The following TERF1 variants were observed in gnomAD, a reference collection of about 807,000 sequenced individuals.
TERF1 encodes telomeric repeat binding factor 1.
In TERF1, 20 loss-of-function variants were observed where a neutral mutation model predicts 55.1. That is an observed-to-expected ratio of 0.36 (90% confidence interval 0.26 to 0.53). The LOEUF (loss-of-function observed/expected upper bound fraction) is 0.53. TERF1 is among the 20% of genes least tolerant of loss of function. TERF1 has a pLI of 0.91. For synonymous variants in TERF1, 168 were observed against 181.2 expected (o/e 0.93, Z 0.59); for missense variants, 439 against 535.7 (o/e 0.82, Z 1.78).
At chr8:73,035,005 A>T (rs1809452453) in intron 8 of TERF1, among the ~76,000 whole-genome samples, 1 of 152,212 alleles carries the variant, frequency 6.6e-6, no homozygotes, top group South Asian at 2.1e-4. Context: ...TCATCAAGTT[A>T]CATATGTTAC....
At chr8:73,043,632 G>A (rs1486032975) in intron 9 of TERF1, among the ~76,000 whole-genome samples, 1 of 152,162 alleles carries the variant, frequency 6.6e-6, no homozygotes, top group Admixed American at 6.5e-5. Context: ...TTTGGCAGTG[G>A]CTTGCTGTCC....
At chr8:73,034,829 A>T (rs1476993548) in intron 8 of TERF1, among the ~76,000 whole-genome samples, 1 of 151,874 alleles carries the variant, frequency 6.6e-6, no homozygotes, top group African/African-American at 2.4e-5. Flanking sequence ...GCTGAGACTT[A>T]AAAAGGTAAA....
chr8:73,016,937 G>T (rs992901285), intron 2 of TERF1, among the ~76,000 whole-genome samples: 2 of 152,120 alleles, frequency 1.3e-5, no homozygotes, highest in African/African-American at 4.8e-5. Context: ...CCTCAGAAGG[G>T]ATTCTCTCTG....
chr8:73,037,758 T>TATAGTATAATA (rs1266193906), intron 8 of TERF1, among the ~76,000 whole-genome samples: 1,517 of 75,066 alleles, frequency 0.02, 63 homozygotes, highest in African/African-American at 0.071. Flanking sequence ...ATATATAATA[T>TATAGTATAATA]TATATAGTAT....
rs1303203875 is a variant in TERF1 at position 73,037,606 on chromosome 8, TTTA to T, written c.1040-1505_1040-1503del. Among the ~76,000 whole-genome samples the T allele has an allele frequency of 4.2e-4, 44 of 105,222 alleles. 1 individual carries two copies. The highest frequency in any genetic ancestry group is 1.7e-3 in the African/African-American group (44 of 25,876). 69.0% of individuals were successfully genotyped at this position (105,222 alleles called of 152,430 possible). A position where few individuals can be genotyped will look rare whatever the true frequency, so the allele number is the denominator to read the frequency against. ...TATAATATATATAACATATCATAAA[TTTA>T]TTATATATATTATATATTATATATA... On this transcript the variant is annotated intron_variant, in intron 8 of 9. Transcript: ENST00000276603.
intron 2 of TERF1, among the ~76,000 whole-genome samples, chr8:73,019,466 C>T (rs1341372429): frequency 6.6e-6 from 1 of 152,156 alleles, no homozygotes; most frequent in Non-Finnish European, 1.5e-5. Context: ...AAAATAAGTT[C>T]CAAAACAGAC....
chr8:73,020,591 C>T lies in TERF1; in HGVS notation c.416-93C>T. 3.7e-6 allele frequency: 4 copies of T among 1,080,268 alleles called. No individual in the cohort carries two copies. The East Asian group carries it at 7.7e-5, about 21-fold the overall frequency. 66.9% of individuals were successfully genotyped at this position (1,080,268 alleles called of 1,614,324 possible). A position where few individuals can be genotyped will look rare whatever the true frequency, so the allele number is the denominator to read the frequency against. ...AGAAGAGTACCTAGCACATAGTATACACTCAGTAAATATTTAAAGGAATGC... is the reference window on the plus strand; with the variant it reads ...AGAAGAGTACCTAGCACATAGTATATACTCAGTAAATATTTAAAGGAATGC... On this transcript the variant is annotated intron_variant, in intron 2 of 9. Coordinates refer to ENST00000276603, the MANE Select transcript of TERF1 (RefSeq NM_017489.3).
Position 73,036,003 on chromosome 8 carries a change from AAGAC to A in TERF1, c.1040-3109_1040-3106del, listed in dbSNP as rs1441288775. ...ACTTAGTGACTTAATGAGTTAGAGT[AAGAC>A]AGATTATTATAGCAAACAACATGGC... is the stretch of plus-strand genomic sequence containing the variant. On this transcript the variant is annotated intron_variant, in intron 8 of 9. Coordinates refer to ENST00000276603, the MANE Select transcript of TERF1 (RefSeq NM_017489.3). Among the ~76,000 whole-genome samples the A allele has an allele frequency of 2.6e-5, 4 of 152,344 alleles. No homozygotes were observed. The South Asian group carries it at 8.3e-4, about 32-fold the overall frequency.
intron 9 of TERF1, among the ~76,000 whole-genome samples, chr8:73,044,622 A>G (rs1037247038): frequency 2.0e-5 from 3 of 152,124 alleles, no homozygotes; most frequent in African/African-American, 7.2e-5. Context: ...ATATATTCAT[A>G]TTGTGCTACC....
chr8:73,039,697 A>G (rs1035894253), intron 9 of TERF1, among the ~76,000 whole-genome samples: 14 of 151,578 alleles, frequency 9.2e-5, no homozygotes, highest in African/African-American at 3.2e-4. Context: ...CAGTGTCTGA[A>G]ACCATTATTT....
chr8:73,023,494 C>G (rs984079803), intron 4 of TERF1, among the ~76,000 whole-genome samples: 1 of 152,186 alleles, frequency 6.6e-6, no homozygotes, highest in Non-Finnish European at 1.5e-5. Context: ...AAGGCTTTGT[C>G]TATCTCTAAT....
intron 2 of TERF1, among the ~76,000 whole-genome samples, chr8:73,017,937 C>T (rs1040086171): frequency 2.0e-5 from 3 of 151,968 alleles, no homozygotes; most frequent in South Asian, 2.1e-4. Flanking sequence ...TCTTGATTGG[C>T]GGATCTCGTG....
intron 9 of TERF1, among the ~76,000 whole-genome samples, chr8:73,043,780 T>C (rs1341363628): frequency 6.6e-6 from 1 of 152,204 alleles, no homozygotes; most frequent in Non-Finnish European, 1.5e-5. Context: ...GTGCACCTTA[T>C]TAAAAATACT....
chr8:73,030,814 A>G (rs1421926732), intron 7 of TERF1: 3 of 153,298 alleles, frequency 2.0e-5, no homozygotes, highest in Non-Finnish European at 4.4e-5. Flanking sequence ...GACAGACAAT[A>G]CAACCTGTCC....
chr8:73,043,900 A>G (rs1809931363), intron 9 of TERF1, among the ~76,000 whole-genome samples: 1 of 152,234 alleles, frequency 6.6e-6, no homozygotes, highest in Non-Finnish European at 1.5e-5. Context: ...TTTTGAAAGA[A>G]CAGAAATGCT....
In TERF1 at chr8:73,013,876, T is replaced by A; in HGVS notation, c.320-19T>A. 1 of 1,549,720 alleles carries A rather than the reference T, an allele frequency of 6.5e-7. No homozygotes were observed. Among genetic ancestry groups the A allele is most frequent in the East Asian group, 2.3e-5 (1 of 44,386 alleles). ...GATCAAGTTTGATTTTAATAAAATTTACTTTTTTTCTTTTTTAGCTATTAT... is the reference window on the plus strand; with the variant it reads ...GATCAAGTTTGATTTTAATAAAATTAACTTTTTTTCTTTTTTAGCTATTAT... On this transcript the variant is annotated intron_variant, in intron 1 of 9. Transcript: ENST00000276603.
Position 73,039,135 on chromosome 8 carries a change from A to G in TERF1, c.1059A>G (p.Glu353=), listed in dbSNP as rs143764833. ...GTPQSTKKKK[E]SRRATESRIP... ...TTTTAGGTACAAAAAAGAAAAAAGA[A>G]AGCAGAAGAGCCACTGAAAGCAGAA... is the stretch of plus-strand genomic sequence containing the variant. Residue 353 remains glutamate (E), a synonymous_variant, in exon 9 of 10, where the codon GAA becomes GAG. Transcript: ENST00000276603. The G allele has an allele frequency of 1.4e-5, 23 of 1,589,320 alleles. No homozygotes were observed. The African/African-American group carries it at 2.8e-4, about 20-fold the overall frequency.
intron 1 of TERF1, chr8:73,010,444 A>G (rs953100282): frequency 6.6e-6 from 1 of 152,224 alleles, no homozygotes. Flanking sequence ...TGAACTGTTT[A>G]GCTCATGTAG....
intron 8 of TERF1, among the ~76,000 whole-genome samples, chr8:73,032,576 A>AAT (rs138668441): frequency 0.22 from 33,202 of 149,706 alleles, 3,728 homozygotes; most frequent in African/African-American, 0.28. Flanking sequence ...TTTCTATATG[A>AAT]ATATATATAT....
Sources: allele counts gnomAD v4.1 joint callset (sites outside exome capture counted in the v4.1 genomes callset), GRCh38; gene constraint gnomAD v4.1.1; transcripts MANE v1.5; gene names NCBI Gene and HGNC (gene_info 2026-07-23, HGNC 2026-07-21).